ETFRF1: variants seen among roughly 807,000 people sequenced by gnomAD.
ETFRF1 encodes electron transfer flavoprotein regulatory factor 1.
In ETFRF1, 12 loss-of-function variants were observed where a neutral mutation model predicts 9.0. That is an observed-to-expected ratio of 1.34 (90% CI 0.86 to 2.16). The LOEUF is 2.16. ETFRF1 is among the 30% of genes most tolerant of loss of function. The pLI is 0.00. For synonymous variants in ETFRF1, 34 were observed against 33.2 expected (o/e 1.02, Z -0.08); for missense variants, 98 against 101.8 (o/e 0.96, Z 0.16).
intron 1 of ETFRF1, 190 bp downstream of exon 1, chr12:25,195,527 G>A (rs1002213062): frequency 7.4e-6 from 2 of 269,490 alleles, no homozygotes; most frequent in Admixed American, 5.1e-5. Context: ...ACAGGCATGC[G>A]ACTGGTTCAT....
intron 1 of ETFRF1, among the ~76,000 whole-genome samples, chr12:25,196,388 T>C (rs147108691): frequency 1.7e-3 from 260 of 152,284 alleles, no homozygotes; most frequent in African/African-American, 5.3e-3. Context: ...TTCATCGGGG[T>C]AAGGAGATAG....
Position 25,204,375 on chromosome 12 carries a change from A to G in ETFRF1, c.*63A>G. On this transcript the variant is annotated 3_prime_UTR_variant, in exon 3 of 3. Coordinates refer to ENST00000381356, the MANE Select transcript of ETFRF1 (RefSeq NM_001001660.3). ...TTATGTATACCAGATGTTGTAAAAT[A>G]ATTCTAACTTAAAATGGGAAGATAT... 1 of 1,311,586 alleles carries G rather than the reference A, an allele frequency of 7.6e-7. No homozygotes were observed. 81.2% of individuals were successfully genotyped at this position (1,311,586 alleles called of 1,614,324 possible). A position where few individuals can be genotyped will look rare whatever the true frequency, so the allele number is the denominator to read the frequency against.
intron 1 of ETFRF1, 22 bp downstream of exon 1, chr12:25,195,359 G>A (rs370178797): frequency 6.9e-5 from 41 of 591,532 alleles, no homozygotes; most frequent in East Asian, 5.3e-4. Flanking sequence ...CCGCCGCCGG[G>A]GAGTTTTGTT....
intron 1 of ETFRF1, among the ~76,000 whole-genome samples, chr12:25,201,463 G>A (rs553522164): frequency 2.0e-5 from 3 of 152,264 alleles, no homozygotes; most frequent in South Asian, 4.1e-4. Context: ...GAAAACTAAA[G>A]AGAATAAGCA....
chr12:25,199,354 GTAA>G (rs1439564654), intron 1 of ETFRF1, among the ~76,000 whole-genome samples: 49 of 236 alleles, frequency 0.21, no homozygotes, highest in Middle Eastern at 0.5. Flanking sequence ...GTAGTATATA[GTAA>G]TATATATAGT....
chr12:25,202,232 C>CA lies in ETFRF1; in HGVS notation c.-37-1676dup, dbSNP rs563296325. On this transcript the variant is annotated intron_variant, in intron 1 of 2. Coordinates refer to ENST00000381356, the MANE Select transcript of ETFRF1 (RefSeq NM_001001660.3). ...TTGGGGACAGAGCAAGAATCCATCT[C>CA]AAAAAAAAAAAAGTTGCTTCCTGCT... Among the ~76,000 whole-genome samples, 471 of 140,926 alleles carry CA rather than the reference C, an allele frequency of 3.3e-3. 5 individuals are homozygous for CA. Among genetic ancestry groups the CA allele is most frequent in the Admixed American group, 0.019 (267 of 14,058 alleles). 92.5% of individuals were successfully genotyped at this position (140,926 alleles called of 152,430 possible).
At chr12:25,196,380 C>T (rs1951006956) in intron 1 of ETFRF1, among the ~76,000 whole-genome samples, 1 of 152,174 alleles carries the variant, frequency 6.6e-6, no homozygotes, top group Non-Finnish European at 1.5e-5. Context: ...AGTTAGGATT[C>T]ATCGGGGTAA....
chr12:25,202,751 G>T (rs1375788341), intron 1 of ETFRF1, among the ~76,000 whole-genome samples: 1 of 152,056 alleles, frequency 6.6e-6, no homozygotes, highest in Non-Finnish European at 1.5e-5. Flanking sequence ...AGGACAAGTG[G>T]GAACCAGACT....
intron 1 of ETFRF1, among the ~76,000 whole-genome samples, chr12:25,198,834 C>T (rs991329202): frequency 1.3e-5 from 2 of 152,084 alleles, no homozygotes; most frequent in African/African-American, 4.8e-5. Flanking sequence ...GCTATGCTGG[C>T]GGCAAGTGTC....
intron 1 of ETFRF1, among the ~76,000 whole-genome samples, chr12:25,201,508 G>C (rs904234562): frequency 1.3e-5 from 2 of 152,198 alleles, no homozygotes; most frequent in Non-Finnish European, 2.9e-5. Context: ...TAGAGATGGG[G>C]AAGGAGAAGC....
chr12:25,204,037 AAT>A (rs1951101676), intron 2 of ETFRF1, 30 bp downstream of exon 2: 2 of 1,528,174 alleles, frequency 1.3e-6, no homozygotes, highest in Non-Finnish European at 1.8e-6. Context: ...ATTTTATAAA[AAT>A]GTTATTATAT....
At chr12:25,201,273 T>G (rs1951071446) in intron 1 of ETFRF1, among the ~76,000 whole-genome samples, 1 of 152,206 alleles carries the variant, frequency 6.6e-6, no homozygotes, top group African/African-American at 2.4e-5. Context: ...CAGTATTCAC[T>G]CATGACATTG....
At chr12:25,198,094 A>C (rs750759395) in intron 1 of ETFRF1, among the ~76,000 whole-genome samples, 2 of 152,180 alleles carry the variant, frequency 1.3e-5, no homozygotes, top group Non-Finnish European at 2.9e-5. Context: ...AGTGGACTAC[A>C]TGAAAGCTAT....
chr12:25,204,030 T>C (rs1198115650), intron 2 of ETFRF1, 23 bp downstream of exon 2: 24 of 1,523,746 alleles, frequency 1.6e-5, no homozygotes, highest in Non-Finnish European at 2.1e-5. Context: ...GTTGCCAATT[T>C]TATAAAAATG....
chr12:25,203,901 A>G lies in ETFRF1; in HGVS notation c.-37-19A>G. 2 of 1,356,608 alleles carry G rather than the reference A, an allele frequency of 1.5e-6. No individual in the cohort carries two copies. Among genetic ancestry groups the G allele is most frequent in the Non-Finnish European group, 1.9e-6 (2 of 1,033,656 alleles). 84.0% of individuals were successfully genotyped at this position (1,356,608 alleles called of 1,614,324 possible). ...AGACTACAATGCAGCTAATTGCAAA[A>G]AAATTTTCCTTTCTTTAGGTATGTT... On this transcript the variant is annotated intron_variant, in intron 1 of 2. Coordinates refer to ENST00000381356, the MANE Select transcript of ETFRF1 (RefSeq NM_001001660.3).
At chr12:25,200,074 G>C (rs2141468581) in intron 1 of ETFRF1, among the ~76,000 whole-genome samples, 1 of 152,280 alleles carries the variant, frequency 6.6e-6, no homozygotes, top group East Asian at 1.9e-4. Context: ...GCCATGCTTA[G>C]TGGCAGGCAC....
At chr12:25,200,559 T>C (rs1026909764) in intron 1 of ETFRF1, among the ~76,000 whole-genome samples, 7 of 152,148 alleles carry the variant, frequency 4.6e-5, no homozygotes, top group African/African-American at 1.7e-4. Flanking sequence ...TTGAACTTAA[T>C]AGCAATGGTA....
At chr12:25,197,139 GCAAGACTCCGTCT>G (rs1441546251) in intron 1 of ETFRF1, among the ~76,000 whole-genome samples, 1 of 149,796 alleles carries the variant, frequency 6.7e-6, no homozygotes, top group Non-Finnish European at 1.5e-5. Flanking sequence ...GGTCAACAGA[GCAAGACTCCGTCT>G]CAAAAAAAAA....
intron 1 of ETFRF1, among the ~76,000 whole-genome samples, chr12:25,202,739 TAAGGAC>T (rs1283563142): frequency 1.3e-5 from 2 of 152,082 alleles, no homozygotes; most frequent in African/African-American, 4.8e-5. Flanking sequence ...GTAAATTTAT[TAAGGAC>T]AAGTGGGAAC....
Sources: gnomAD v4.1 joint callset for allele counts (sites outside exome capture counted in the v4.1 genomes callset) on GRCh38, gnomAD v4.1.1 for gene constraint, MANE v1.5 for transcripts, NCBI Gene and HGNC (gene_info 2026-07-23, HGNC 2026-07-21) for gene names.